Variants in NRXN2 observed in about 807,000 individuals in gnomAD.
NRXN2 encodes the protein neurexin 2.
A neutral mutation model predicts 128.8 loss-of-function variants in NRXN2; 29 were observed. The observed-to-expected ratio is 0.23, with a 90% CI of 0.17 to 0.31. The LOEUF (loss-of-function observed/expected upper bound fraction) is 0.31, where lower values mean the gene tolerates loss of function less well. NRXN2 is among the 10% of genes least tolerant of loss of function. The pLI is 1.00. For missense variants in NRXN2, 1,881 were observed against 2,452.6 expected (o/e 0.77, Z 4.92); for synonymous variants, 1,098 against 1,075.2 (o/e 1.02, Z -0.41).
At chr11:64,717,927 C>T (rs575773757) in intron 1 of NRXN2, among the ~76,000 whole-genome samples, 2 of 152,294 alleles carry the variant, frequency 1.3e-5, no homozygotes, top group East Asian at 3.9e-4. Flanking sequence ...GGGGACATAG[C>T]TCTCTCAGGT....
At chr11:64,643,176 G>T in intron 17 of NRXN2, 1 of 978,852 alleles carries the variant, frequency 1.0e-6, no homozygotes. Flanking sequence ...AGCAGGGAGG[G>T]GAGAGCGAGG....
chr11:64,621,046 C>T (rs1018470679), intron 21 of NRXN2, among the ~76,000 whole-genome samples: 12 of 151,960 alleles, frequency 7.9e-5, no homozygotes, highest in Non-Finnish European at 1.5e-4. Context: ...AAAGTCCAGG[C>T]AAGAAGGGAG....
intron 6 of NRXN2, 145 bp from the exon 7 acceptor site, chr11:64,677,182 A>G: frequency 1.7e-6 from 1 of 592,450 alleles, no homozygotes; most frequent in South Asian, 2.4e-5. Context: ...ATATATATCC[A>G]TATATATTTG....
chr11:64,661,084 C>G lies in NRXN2; in HGVS notation c.1854G>C (p.Glu618Asp). The G allele has an allele frequency of 2.5e-6, 4 of 1,613,608 alleles. No homozygotes were observed. Among genetic ancestry groups the G allele is most frequent in the Non-Finnish European group, 3.4e-6 (4 of 1,180,030 alleles). Residue 618 changes from glutamate (E) to aspartate (D), a missense_variant, in exon 10 of 23, where the codon GAG (glutamate) becomes GAC (aspartate). Coordinates refer to ENST00000265459, the MANE Select transcript of NRXN2 (RefSeq NM_015080.4). Reference sequence around the variant, plus strand: ...ACAGCTCACTCTCCAGGTCCAGAATCTCGCTGTCTCCAGTGGCCAAGAACG... The same window carrying G: ...ACAGCTCACTCTCCAGGTCCAGAATGTCGCTGTCTCCAGTGGCCAAGAACG... ...STPFLATGDS[E>D]ILDLESELYL...
rs549892891 is a variant in NRXN2 at position 64,607,099 on chromosome 11, G to A, written c.*97C>T. The A allele has an allele frequency of 8.2e-6, 11 of 1,342,780 alleles. No homozygotes were observed. In the East Asian group the frequency reaches 2.6e-4, roughly 32 times the overall value. The allele number at this position is 1,342,780 out of a possible 1,614,324, so 83.2% of individuals were successfully genotyped here. ...CGTAAGAGAAGCCTGAGGCAGCCAG[G>A]GAGAGGGTCCCCAGGCCCCTGGCAG... On this transcript the variant is annotated 3_prime_UTR_variant, in exon 23 of 23. Coordinates refer to ENST00000265459, the MANE Select transcript of NRXN2 (RefSeq NM_015080.4).
intron 5 of NRXN2, among the ~76,000 whole-genome samples, chr11:64,687,922 T>C (rs962001932): frequency 2.6e-5 from 4 of 152,100 alleles, no homozygotes; most frequent in African/African-American, 9.7e-5. Context: ...GCCCAGGCAC[T>C]AGGAGAACCA....
At position 64,723,053 on chromosome 11, in the gene NRXN2, G is replaced by A. The variant is rs1176372322; in HGVS notation, c.-327C>T. ...GTCTCCGACGGGTGGCAGAGCCAGGGCTAGCGGTGTCTGCCGCCTCGCGCC... is the reference window on the plus strand; with the variant it reads ...GTCTCCGACGGGTGGCAGAGCCAGGACTAGCGGTGTCTGCCGCCTCGCGCC... On this transcript the variant is annotated 5_prime_UTR_variant, in exon 1 of 23. Transcript: ENST00000265459. The A allele has an allele frequency of 1.3e-5, 2 of 150,456 alleles. No homozygotes were observed. Among genetic ancestry groups the A allele is most frequent in the South Asian group, 1.8e-4 (1 of 5,474 alleles). The allele number at this position is 150,456 out of a possible 1,614,324, so 9.3% of individuals were successfully genotyped here. A position where few individuals can be genotyped will look rare whatever the true frequency, so the allele number is the denominator to read the frequency against.
At chr11:64,656,299 C>T (rs1176507129) in intron 11 of NRXN2, among the ~76,000 whole-genome samples, 2 of 152,176 alleles carry the variant, frequency 1.3e-5, no homozygotes, top group East Asian at 1.9e-4. Context: ...GATTAAAGGG[C>T]TTTGGGATAC....
chr11:64,642,204 C>A (rs780779100), intron 17 of NRXN2, among the ~76,000 whole-genome samples: 10 of 151,514 alleles, frequency 6.6e-5, no homozygotes, highest in Non-Finnish European at 1.5e-4. Context: ...CAGAGCTGCA[C>A]GGAGAGGATG....
chr11:64,668,725 ATGTCTGCTTGTCT>A (rs2050225289), intron 7 of NRXN2, 121 bp from the exon 8 acceptor site: 2 of 1,020,316 alleles, frequency 2.0e-6, no homozygotes, highest in African/African-American at 1.6e-5. Flanking sequence ...CCCCATTTTT[ATGTCTGCTTGTCT>A]TGGAGGAGGA....
intron 4 of NRXN2, 52 bp from the exon 5 acceptor site, chr11:64,690,528 TC>T: frequency 1.3e-6 from 2 of 1,508,838 alleles, no homozygotes; most frequent in Non-Finnish European, 1.8e-6. Flanking sequence ...AGCCAGTCCC[TC>T]CCCAGCCTTG....
At chr11:64,721,045 TG>T (rs993166671) in intron 1 of NRXN2, among the ~76,000 whole-genome samples, 1 of 151,738 alleles carries the variant, frequency 6.6e-6, no homozygotes, top group East Asian at 1.9e-4. Flanking sequence ...GCAAGGCACC[TG>T]GGGGAGGTCT....
chr11:64,695,730 GCACACA>G (rs140194538), intron 3 of NRXN2, among the ~76,000 whole-genome samples: 16 of 150,494 alleles, frequency 1.1e-4, no homozygotes, highest in Non-Finnish European at 1.9e-4. Flanking sequence ...ACACACACGC[GCACACA>G]CACACACACA....
At position 64,607,554 on chromosome 11, in the gene NRXN2, G is replaced by C. The variant is rs1282868715; in HGVS notation, c.4781C>G (p.Pro1594Arg). Residue 1594 changes from proline (P) to arginine (R), a missense_variant, in exon 23 of 23, where the codon CCT (proline) becomes CGT (arginine). Physicochemically the swap from Pro to Arg is moderately radical, Grantham distance 103 (BLOSUM62 -2). Transcript: ENST00000265459. The part of the protein sequence containing the change: ...APTSFEPRRP[P>R]PLRPGVTSAP... ...TGAGGTCACGCCGGGGCGCAGGGGA[G>C]GGGGCCTCCGCGGCTCAAAGGACGT... 1 of 1,544,034 alleles carries C rather than the reference G, an allele frequency of 6.5e-7. No homozygotes were observed. Among genetic ancestry groups the C allele is most frequent in the South Asian group, 1.2e-5 (1 of 85,836 alleles).
At position 64,677,035 on chromosome 11, in the gene NRXN2, G is replaced by T; in HGVS notation, c.1155C>A (p.His385Gln). Residue 385 changes from histidine to glutamine, a missense_variant and splice_region_variant, in exon 7 of 23, where the codon CAC becomes CAA. Physicochemically the swap from His to Gln is conservative, Grantham distance 24 (BLOSUM62 0). This residue lies in a region of NRXN2 where 997 missense variants were observed against 1,240.8 expected (regional missense o/e 0.80). Coordinates refer to ENST00000265459, the MANE Select transcript of NRXN2 (RefSeq NM_015080.4). ...DVRVTRNLRQ[H>Q]AGIGHAMVNK... ...TTACCATAGCGTGTCCAATCCCTGCGTGCTTCACCGGAGATATGGGGGGAT... is the reference window on the plus strand; with the variant it reads ...TTACCATAGCGTGTCCAATCCCTGCTTGCTTCACCGGAGATATGGGGGGAT... 1.3e-6 allele frequency: 2 copies of T among 1,540,286 alleles called. No homozygotes were observed. Among genetic ancestry groups the T allele is most frequent in the South Asian group, 1.1e-5 (1 of 89,636 alleles).
At chr11:64,701,565 C>G (rs1264300215) in intron 2 of NRXN2, among the ~76,000 whole-genome samples, 2 of 152,032 alleles carry the variant, frequency 1.3e-5, no homozygotes, top group African/African-American at 4.8e-5. Flanking sequence ...ATAGGGAGAC[C>G]CGTCTCTACA....
At chr11:64,634,775 G>C (rs1405572045) in intron 18 of NRXN2, among the ~76,000 whole-genome samples, 1 of 152,182 alleles carries the variant, frequency 6.6e-6, no homozygotes. Context: ...CATAGAGGCA[G>C]GGGCAGAATC....
At chr11:64,653,212 A>G (rs2047727629) in intron 12 of NRXN2, among the ~76,000 whole-genome samples, 1 of 152,068 alleles carries the variant, frequency 6.6e-6, no homozygotes, top group South Asian at 2.1e-4. Context: ...CCCAGCTAAC[A>G]CAGGAGCTGA....
rs770105914 is a variant in NRXN2 at position 64,660,936 on chromosome 11, G to A, written c.2002C>T (p.Arg668Ter). The A allele has an allele frequency of 1.9e-6, 3 of 1,613,788 alleles. No homozygotes were observed. Among genetic ancestry groups the A allele is most frequent in the Non-Finnish European group, 2.5e-6 (3 of 1,179,940 alleles). ...VRDLFIDGRSRDLRGLAEAQG... is the reference protein window; with the variant it reads ...VRDLFIDGRS ...GCCTCAGCCAGGCCCCGGAGGTCTCGGCTACGCCCATCTATGAAGAGGTCC... is the reference window on the plus strand; with the variant it reads ...GCCTCAGCCAGGCCCCGGAGGTCTCAGCTACGCCCATCTATGAAGAGGTCC... Residue 668 changes from arginine (R) to a stop codon, truncating the protein, a stop_gained, in exon 10 of 23, where the codon CGA becomes TGA. Transcript: ENST00000265459. LOFTEE classifies it high-confidence loss of function. The surrounding 1 kb of genome is among the most constrained non-coding windows in gnomAD (Gnocchi z 5.2).
Sources: gnomAD v4.1 joint callset for allele counts (sites outside exome capture counted in the v4.1 genomes callset) on GRCh38, gnomAD v4.1.1 for gene constraint, gnomAD v4.1.1 regional missense constraint, Gnocchi (gnomAD v3.1) non-coding constraint, MANE v1.5 for transcripts, NCBI Gene and HGNC (gene_info 2026-07-23, HGNC 2026-07-21) for gene names.